Variants in LMAN2L observed in about 807,000 individuals in gnomAD.
LMAN2L encodes lectin, mannose binding 2 like.
Under a neutral mutation model 44.3 loss-of-function variants are expected in LMAN2L, and 30 were observed. The observed-to-expected ratio is 0.68, with a 90% CI of 0.51 to 0.92. LMAN2L has a LOEUF of 0.92. LMAN2L is among the 40% of genes least tolerant of loss of function. The pLI is 0.00. For synonymous variants in LMAN2L, 183 were observed against 171.1 expected, an observed-to-expected ratio of 1.07 and a Z score of -0.54; for missense variants, 429 against 446.1, an observed-to-expected ratio of 0.96 and a Z score of 0.35.
chr2:96,723,806 A>C (rs1161828667), intron 4 of LMAN2L, among the ~76,000 whole-genome samples: 1 of 152,220 alleles, frequency 6.6e-6, no homozygotes, highest in Non-Finnish European at 1.5e-5. Flanking sequence ...TTAATTGATT[A>C]GACCGGGCAC....
rs2078466908 is a variant in LMAN2L, at chr2:96,734,287, T to C, written c.424+122A>G. ...TAGAGACTAGAAGGGCCAGTGTTCA[T>C]CCACATACATTAAGGGAGAGGGAAA... On this transcript the variant is annotated intron_variant, in intron 3 of 7. Transcript: ENST00000264963. 3 of 724,472 alleles carry C rather than the reference T, an allele frequency of 4.1e-6. No individual in the cohort carries two copies. In the South Asian group the frequency reaches 4.6e-5, roughly 11 times the overall value. The allele number at this position is 724,472 out of a possible 1,614,324, so 44.9% of individuals were successfully genotyped here. A position where few individuals can be genotyped will look rare whatever the true frequency, so the allele number is the denominator to read the frequency against.
At chr2:96,713,391 A>G (rs1574000364) in intron 4 of LMAN2L, among the ~76,000 whole-genome samples, 1 of 152,184 alleles carries the variant, frequency 6.6e-6, no homozygotes, top group Non-Finnish European at 1.5e-5. Flanking sequence ...TTACTATATC[A>G]GATTCTCAAA....
intron 4 of LMAN2L, among the ~76,000 whole-genome samples, chr2:96,730,353 C>T (rs1280308536): frequency 6.6e-6 from 1 of 152,108 alleles, no homozygotes; most frequent in African/African-American, 2.4e-5. Flanking sequence ...GTACCTACCC[C>T]TTCAGAATCA....
At chr2:96,722,003 T>C (rs934220791) in intron 4 of LMAN2L, among the ~76,000 whole-genome samples, 2 of 152,112 alleles carry the variant, frequency 1.3e-5, no homozygotes, top group African/African-American at 4.8e-5. Context: ...AGTCTCACTC[T>C]GTTGCCCAGG....
intron 6 of LMAN2L, among the ~76,000 whole-genome samples, chr2:96,708,463 T>C (rs1031771291): frequency 1.3e-5 from 2 of 152,238 alleles, no homozygotes; most frequent in Non-Finnish European, 1.5e-5. Context: ...CAACTTACAA[T>C]ATCTACAACC....
chr2:96,707,252 G>C lies in LMAN2L; in HGVS notation c.*4C>G. 6.2e-7 allele frequency: 1 copy of C among 1,613,578 alleles called. No individual in the cohort carries two copies. The highest frequency in any genetic ancestry group is 8.5e-7 in the Non-Finnish European group (1 of 1,179,664). On this transcript the variant is annotated 3_prime_UTR_variant, in exon 8 of 8. Coordinates refer to ENST00000264963, the MANE Select transcript of LMAN2L (RefSeq NM_030805.4). Reference sequence around the variant, plus strand: ...AGTCACAAAAGTGGTGGCAGCAGGAGGGCTCAGTAGAAGCGCTTTCGGCTC... The same window carrying C: ...AGTCACAAAAGTGGTGGCAGCAGGACGGCTCAGTAGAAGCGCTTTCGGCTC...
At chr2:96,715,390 A>G (rs767055686) in intron 4 of LMAN2L, among the ~76,000 whole-genome samples, 1 of 152,220 alleles carries the variant, frequency 6.6e-6, no homozygotes, top group Non-Finnish European at 1.5e-5. Context: ...TTAACCTCAC[A>G]TTAGTGTAAG....
At position 96,706,162 on chromosome 2, in the gene LMAN2L, G is replaced by A. The variant is rs1483609851; in HGVS notation, c.*1094C>T. ...GTGAACTCTTCCAGGCACAGATGATGAGGGTCTGTTGCTCTCAGACTTGGA... is the reference window on the plus strand; with the variant it reads ...GTGAACTCTTCCAGGCACAGATGATAAGGGTCTGTTGCTCTCAGACTTGGA... On this transcript the variant is annotated 3_prime_UTR_variant, in exon 8 of 8. Coordinates refer to ENST00000264963, the MANE Select transcript of LMAN2L (RefSeq NM_030805.4). The A allele has an allele frequency of 2.0e-5, 3 of 152,530 alleles. No individual in the cohort carries two copies. Among genetic ancestry groups the A allele is most frequent in the South Asian group, 2.1e-4 (1 of 4,834 alleles). The allele number at this position is 152,530 out of a possible 1,614,324, so 9.4% of individuals were successfully genotyped here. A position where few individuals can be genotyped will look rare whatever the true frequency, so the allele number is the denominator to read the frequency against.
At chr2:96,725,144 G>C (rs2078242416) in intron 4 of LMAN2L, among the ~76,000 whole-genome samples, 1 of 151,982 alleles carries the variant, frequency 6.6e-6, no homozygotes, top group African/African-American at 2.4e-5. Flanking sequence ...ATTTTTAATA[G>C]AGACGGGGTT....
chr2:96,721,826 T>A (rs1355518346), intron 4 of LMAN2L, among the ~76,000 whole-genome samples: 4 of 152,066 alleles, frequency 2.6e-5, no homozygotes, highest in African/African-American at 9.7e-5. Flanking sequence ...ATATATCACA[T>A]TTTGTTTATC....
chr2:96,735,991 G>A (rs1306073170), intron 2 of LMAN2L, among the ~76,000 whole-genome samples: 4 of 152,138 alleles, frequency 2.6e-5, no homozygotes, highest in African/African-American at 2.4e-5. Context: ...CAGCCTAGGC[G>A]ACAGAGTGAT....
At chr2:96,728,892 GC>G (rs1480527062) in intron 4 of LMAN2L, among the ~76,000 whole-genome samples, 1 of 150,014 alleles carries the variant, frequency 6.7e-6, no homozygotes, top group Non-Finnish European at 1.5e-5. Context: ...ATAAAATAAG[GC>G]CAGGCGCAGT....
At chr2:96,725,444 CTTTT>C (rs998623420) in intron 4 of LMAN2L, among the ~76,000 whole-genome samples, 6 of 135,996 alleles carry the variant, frequency 4.4e-5, no homozygotes, top group Non-Finnish European at 4.8e-5. Context: ...ATTAAATTTT[CTTTT>C]TTTTTTTTTT....
chr2:96,707,163 C>A lies in LMAN2L; in HGVS notation c.*93G>T, dbSNP rs2077800378. ...ATAGTCCCCAACCAGCTGCTAGAGACAAGAACACTCTCCAGGCTGCATGCT... is the reference window on the plus strand; with the variant it reads ...ATAGTCCCCAACCAGCTGCTAGAGAAAAGAACACTCTCCAGGCTGCATGCT... On this transcript the variant is annotated 3_prime_UTR_variant, in exon 8 of 8. Transcript: ENST00000264963. The A allele has an allele frequency of 3.2e-6, 4 of 1,261,286 alleles. No homozygotes were observed. Among genetic ancestry groups the A allele is most frequent in the South Asian group, 2.9e-5 (2 of 68,184 alleles). The allele number at this position is 1,261,286 out of a possible 1,614,324, so 78.1% of individuals were successfully genotyped here. A position where few individuals can be genotyped will look rare whatever the true frequency, so the allele number is the denominator to read the frequency against.
rs113694737 is a variant in LMAN2L at position 96,711,644 on chromosome 2, G to A, written c.784+12C>T. 3.2e-4 allele frequency: 504 copies of A among 1,577,916 alleles called. 2 individuals are homozygous for A. In the African/African-American group the frequency reaches 5.8e-3, roughly 18 times the overall value. ...CTCAGTCAGGGCAAACCAAGAGTGCGCGTGGCAGTACCTGAGAGATCCCCA... is the reference window on the plus strand; with the variant it reads ...CTCAGTCAGGGCAAACCAAGAGTGCACGTGGCAGTACCTGAGAGATCCCCA... On this transcript the variant is annotated intron_variant, in intron 6 of 7. Transcript: ENST00000264963.
chr2:96,725,190 C>T lies in LMAN2L; in HGVS notation c.507+8329G>A, dbSNP rs146594089. On this transcript the variant is annotated intron_variant, in intron 4 of 7. Transcript: ENST00000264963. ...GGCCAGGATGGTCTTGATCTCCTGACCTCGTGATCTACCCGTCTCAGCCTC... is the reference window on the plus strand; with the variant it reads ...GGCCAGGATGGTCTTGATCTCCTGATCTCGTGATCTACCCGTCTCAGCCTC... 1.6e-3 allele frequency among the ~76,000 whole-genome samples: 246 copies of T among 152,210 alleles called. 2 individuals carry two copies. The highest frequency in any genetic ancestry group is 2.9e-3 in the South Asian group (14 of 4,824).
At chr2:96,737,825 G>C (rs1309317512) in intron 2 of LMAN2L, 124 bp downstream of exon 2, 1 of 641,192 alleles carries the variant, frequency 1.6e-6, no homozygotes, top group Non-Finnish European at 2.8e-6. Context: ...CAAAAATAAA[G>C]ATCCTTGATA....
chr2:96,710,588 C>G (rs1344859242), intron 6 of LMAN2L, among the ~76,000 whole-genome samples: 2 of 152,104 alleles, frequency 1.3e-5, no homozygotes, highest in Non-Finnish European at 2.9e-5. Context: ...CGCTTGAATA[C>G]AGGAGGTGGA....
chr2:96,727,912 G>A (rs1181527500), intron 4 of LMAN2L, among the ~76,000 whole-genome samples: 5 of 152,184 alleles, frequency 3.3e-5, no homozygotes, highest in Admixed American at 2.6e-4. Context: ...GACCCACTAC[G>A]TGTGTGACAC....
Sources: gnomAD v4.1 joint callset for allele counts (sites outside exome capture counted in the v4.1 genomes callset) on GRCh38, gnomAD v4.1.1 for gene constraint, MANE v1.5 for transcripts, NCBI Gene and HGNC (gene_info 2026-07-23, HGNC 2026-07-21) for gene names.